ASIC2: variants seen among roughly 807,000 people sequenced by gnomAD.
The protein encoded by ASIC2 is acid sensing ion channel subunit 2.
In ASIC2, 25 loss-of-function variants were observed where a neutral mutation model predicts 57.3. The observed-to-expected ratio is 0.44, with a 90% CI of 0.32 to 0.61. ASIC2 has a LOEUF of 0.61. Ranked by LOEUF, ASIC2 falls within the 20% of genes least tolerant of loss-of-function variation. The pLI is 0.06. For missense variants in ASIC2, 641 were observed against 738.1 expected (o/e 0.87, Z 1.52); for synonymous variants, 319 against 307.5 (o/e 1.04, Z -0.39).
At chr17:34,087,426 C>A (rs866536288) in intron 1 of ASIC2, among the ~76,000 whole-genome samples, 1 of 152,122 alleles carries the variant, frequency 6.6e-6, no homozygotes, top group Non-Finnish European at 1.5e-5. Flanking sequence ...GTCTGATGGG[C>A]TTCCCTTTGT....
At chr17:33,664,471 AT>A (rs2142047351) in intron 1 of ASIC2, among the ~76,000 whole-genome samples, 1 of 152,270 alleles carries the variant, frequency 6.6e-6, no homozygotes, top group Non-Finnish European at 1.5e-5. Context: ...AGTATACAAG[AT>A]GATCCAATGA....
intron 1 of ASIC2, among the ~76,000 whole-genome samples, chr17:33,166,359 G>C (rs902810702): frequency 6.6e-6 from 1 of 152,128 alleles, no homozygotes; most frequent in African/African-American, 2.4e-5. Flanking sequence ...CTCATTGTTG[G>C]GGGGAGAAAA....
intron 1 of ASIC2, among the ~76,000 whole-genome samples, chr17:33,354,579 G>A (rs998891175): frequency 1.3e-5 from 2 of 152,044 alleles, no homozygotes; most frequent in Admixed American, 1.3e-4. Context: ...CTGCTTTCCA[G>A]CAGTGTGGTC....
At chr17:34,083,021 A>AT (rs61456294) in intron 1 of ASIC2, among the ~76,000 whole-genome samples, 33 of 148,246 alleles carry the variant, frequency 2.2e-4, no homozygotes, top group South Asian at 8.6e-4. Flanking sequence ...TTTGCATGCT[A>AT]TTTTTTTTTT....
intron 1 of ASIC2, among the ~76,000 whole-genome samples, chr17:33,871,025 C>A (rs1914390456): frequency 6.6e-6 from 1 of 152,168 alleles, no homozygotes; most frequent in Non-Finnish European, 1.5e-5. Flanking sequence ...TTGGCTTCAG[C>A]CAAATCAGAG....
chr17:34,067,581 A>T (rs1283132011), intron 1 of ASIC2, among the ~76,000 whole-genome samples: 1 of 152,224 alleles, frequency 6.6e-6, no homozygotes, highest in African/African-American at 2.4e-5. Context: ...TTTCTAAAAA[A>T]ACTATCCCAA....
At chr17:33,185,922 T>G (rs1906174813) in intron 1 of ASIC2, among the ~76,000 whole-genome samples, 1 of 152,188 alleles carries the variant, frequency 6.6e-6, no homozygotes, top group South Asian at 2.1e-4. Flanking sequence ...AGGCAAGGGC[T>G]GTCCTGGCCC....
chr17:33,026,411 C>T (rs2091859536), intron 4 of ASIC2, among the ~76,000 whole-genome samples: 1 of 152,318 alleles, frequency 6.6e-6, no homozygotes, highest in South Asian at 2.1e-4. Flanking sequence ...CTGTTTTACC[C>T]ATGATAATTT....
intron 1 of ASIC2, among the ~76,000 whole-genome samples, chr17:33,409,144 G>A (rs994764563): frequency 3.0e-4 from 46 of 152,314 alleles, no homozygotes; most frequent in African/African-American, 1.1e-3. Context: ...GAGCCTGGGA[G>A]GCAGAGGTTG....
chr17:33,604,818 C>T (rs1905188719), intron 1 of ASIC2, among the ~76,000 whole-genome samples: 1 of 152,030 alleles, frequency 6.6e-6, no homozygotes, highest in South Asian at 2.1e-4. Context: ...GGTGGGGCTT[C>T]AGTGTGAAAA....
Position 33,713,418 on chromosome 17 carries a change from T to C in ASIC2, c.555+442560A>G, listed in dbSNP as rs145298662. On this transcript the variant is annotated intron_variant, in intron 1 of 9. Transcript: ENST00000359872. ...AACATCTGGTGGTTGCAGCAATCTTTGGTAATCTGTGCAGCTGCACAAGTT... is the reference window on the plus strand; with the variant it reads ...AACATCTGGTGGTTGCAGCAATCTTCGGTAATCTGTGCAGCTGCACAAGTT... 1.2e-4 allele frequency among the ~76,000 whole-genome samples: 18 copies of C among 152,308 alleles called. No individual in the cohort carries two copies. In the East Asian group the frequency reaches 3.3e-3, roughly 28 times the overall value.
chr17:33,308,829 A>G (rs1336241514), intron 1 of ASIC2, among the ~76,000 whole-genome samples: 1 of 144,010 alleles, frequency 6.9e-6, no homozygotes, highest in Non-Finnish European at 1.5e-5. Flanking sequence ...TTTTTTTGTG[A>G]AAAAAAAGAT....
intron 2 of ASIC2, among the ~76,000 whole-genome samples, chr17:33,105,393 C>A (rs563186101): frequency 6.6e-6 from 1 of 152,194 alleles, no homozygotes. Context: ...CCTCCTTCAC[C>A]TTCTGCCATG....
intron 1 of ASIC2, among the ~76,000 whole-genome samples, chr17:33,210,673 G>A (rs1907234154): frequency 6.6e-6 from 1 of 152,210 alleles, no homozygotes; most frequent in Non-Finnish European, 1.5e-5. Flanking sequence ...CAGGGAATAT[G>A]GGGGCAGACA....
intron 3 of ASIC2, among the ~76,000 whole-genome samples, chr17:33,063,045 C>T (rs1428412650): frequency 6.6e-6 from 1 of 152,124 alleles, no homozygotes; most frequent in African/African-American, 2.4e-5. Flanking sequence ...TTATTTTGAG[C>T]CCATATGTGT....
At chr17:33,468,893 G>C (rs1486033567) in intron 1 of ASIC2, among the ~76,000 whole-genome samples, 1 of 152,160 alleles carries the variant, frequency 6.6e-6, no homozygotes, top group African/African-American at 2.4e-5. Context: ...GGCAGGATCA[G>C]GAATCTGCTA....
At chr17:33,039,035 A>T (rs2091920525) in intron 3 of ASIC2, among the ~76,000 whole-genome samples, 1 of 152,208 alleles carries the variant, frequency 6.6e-6, no homozygotes, top group Non-Finnish European at 1.5e-5. Context: ...TGAGAAGATG[A>T]TGAAACTGCC....
intron 1 of ASIC2, among the ~76,000 whole-genome samples, chr17:34,139,751 G>A (rs918872861): frequency 6.7e-6 from 1 of 149,200 alleles, no homozygotes; most frequent in African/African-American, 2.5e-5. Context: ...TAGAACTGGA[G>A]GGGGGGGGAT....
At chr17:33,225,107 A>C (rs942640908) in intron 1 of ASIC2, among the ~76,000 whole-genome samples, 1 of 152,166 alleles carries the variant, frequency 6.6e-6, no homozygotes, top group Non-Finnish European at 1.5e-5. Context: ...GGGAGGGCAG[A>C]CCAGCGTTCT....
Sources: allele counts gnomAD v4.1 joint callset (sites outside exome capture counted in the v4.1 genomes callset), GRCh38; gene constraint gnomAD v4.1.1; transcripts MANE v1.5; gene names NCBI Gene and HGNC (gene_info 2026-07-23, HGNC 2026-07-21).